The following NTM variants were observed in gnomAD, a reference collection of about 807,000 sequenced individuals.
NTM encodes the protein neurotrimin.
In NTM, 13 loss-of-function variants were observed where a neutral mutation model predicts 42.1. The observed-to-expected ratio is 0.31, with a 90% CI of 0.20 to 0.49. The LOEUF (loss-of-function observed/expected upper bound fraction) is 0.49. NTM is among the 20% of genes least tolerant of loss of function. NTM has a pLI of 0.99. For synonymous variants in NTM, 187 were observed against 179.2 expected (o/e 1.04, Z -0.35); for missense variants, 373 against 452.8 (o/e 0.82, Z 1.60).
intron 1 of NTM, among the ~76,000 whole-genome samples, chr11:131,667,965 A>G (rs1086213): frequency 0.86 from 131,536 of 152,206 alleles, 56,961 homozygotes; most frequent in East Asian, 0.96. Flanking sequence ...CATAGTTGCC[A>G]CACACTGTGC....
chr11:132,171,808 C>A (rs2076155485), intron 3 of NTM, among the ~76,000 whole-genome samples: 1 of 152,282 alleles, frequency 6.6e-6, no homozygotes, highest in Non-Finnish European at 1.5e-5. Flanking sequence ...GAAACAAATG[C>A]AGGAAAAACA....
intron 1 of NTM, among the ~76,000 whole-genome samples, chr11:131,761,084 G>A (rs2084090075): frequency 6.6e-6 from 1 of 152,132 alleles, no homozygotes; most frequent in Admixed American, 6.5e-5. Context: ...GGCAGGGGAA[G>A]CGGGGAGGAC....
chr11:132,319,587 G>T (rs891661172), intron 7 of NTM, among the ~76,000 whole-genome samples: 2 of 152,238 alleles, frequency 1.3e-5, no homozygotes, highest in Admixed American at 6.5e-5. Context: ...GCCTGCCATT[G>T]CCTAGTTAGT....
intron 3 of NTM, among the ~76,000 whole-genome samples, chr11:132,176,545 AC>A (rs2137951131): frequency 6.6e-6 from 1 of 151,728 alleles, no homozygotes; most frequent in Non-Finnish European, 1.5e-5. Context: ...CTGGTGTTTA[AC>A]AAAAAATAAA....
intron 2 of NTM, among the ~76,000 whole-genome samples, chr11:132,094,368 A>G (rs929687731): frequency 1.3e-5 from 2 of 152,154 alleles, no homozygotes; most frequent in African/African-American, 4.8e-5. Flanking sequence ...TGGGCTCAGA[A>G]ACTATGTGTT....
intron 1 of NTM, among the ~76,000 whole-genome samples, chr11:131,560,402 AC>A (rs1348552917): frequency 6.6e-6 from 1 of 152,172 alleles, no homozygotes; most frequent in Non-Finnish European, 1.5e-5. Flanking sequence ...ATATGTTCCA[AC>A]ATGCCATCAA....
intron 1 of NTM, among the ~76,000 whole-genome samples, chr11:131,801,305 T>C (rs554422398): frequency 2.0e-5 from 3 of 152,330 alleles, no homozygotes; most frequent in Non-Finnish European, 4.4e-5. Context: ...CAATTGTGTG[T>C]TGGGAGTTGC....
chr11:131,454,843 A>C (rs951971296), intron 1 of NTM, among the ~76,000 whole-genome samples: 5 of 152,166 alleles, frequency 3.3e-5, no homozygotes, highest in African/African-American at 9.7e-5. Context: ...ACCTGAATAT[A>C]TAAAGCCTGT....
At chr11:131,552,471 C>T (rs1267335987) in intron 1 of NTM, among the ~76,000 whole-genome samples, 1 of 147,486 alleles carries the variant, frequency 6.8e-6, no homozygotes, top group African/African-American at 2.5e-5. Flanking sequence ...GCCACTGCAC[C>T]TCCAGCCTGG....
intron 1 of NTM, among the ~76,000 whole-genome samples, chr11:131,526,423 C>G (rs566326998): frequency 1.3e-5 from 2 of 152,272 alleles, no homozygotes; most frequent in East Asian, 1.9e-4. Flanking sequence ...CTCCAATGTC[C>G]GCTTGGATTG....
At chr11:131,388,281 A>G (rs545590421) in intron 1 of NTM, among the ~76,000 whole-genome samples, 4 of 152,286 alleles carry the variant, frequency 2.6e-5, no homozygotes, top group Non-Finnish European at 4.4e-5. Context: ...TATCTATGTA[A>G]GTACATATAG....
chr11:131,972,357 T>C (rs1373894578), intron 2 of NTM, among the ~76,000 whole-genome samples: 1 of 152,202 alleles, frequency 6.6e-6, no homozygotes, highest in Admixed American at 6.5e-5. Flanking sequence ...CATGTATATA[T>C]ATAAATTATA....
intron 1 of NTM, among the ~76,000 whole-genome samples, chr11:131,742,435 T>G (rs1450481091): frequency 1.3e-5 from 2 of 152,198 alleles, no homozygotes; most frequent in African/African-American, 4.8e-5. Flanking sequence ...AAAATGACTT[T>G]TTTTTTCTTT....
In NTM at chr11:132,295,167, C is replaced by A. The variant is rs182355406; in HGVS notation, c.527-12522C>A. On this transcript the variant is annotated intron_variant, in intron 4 of 8. Coordinates refer to ENST00000683400, the MANE Select transcript of NTM (RefSeq NM_001352005.2). ...AAACACACACACACACAGACACACACGAGAAAGAAAAACCTTAAAAAATAT... is the reference window on the plus strand; with the variant it reads ...AAACACACACACACACAGACACACAAGAGAAAGAAAAACCTTAAAAAATAT... Among the ~76,000 whole-genome samples, 1,093 of 151,846 alleles carry A rather than the reference C, an allele frequency of 7.2e-3. 4 individuals carry two copies. The highest frequency in any genetic ancestry group is 0.017 in the Middle Eastern group (5 of 294).
chr11:131,744,625 T>A (rs555884781), intron 1 of NTM, among the ~76,000 whole-genome samples: 90 of 151,992 alleles, frequency 5.9e-4, no homozygotes, highest in South Asian at 2.1e-3. Flanking sequence ...ATGTTTTTTT[T>A]AAAAAAAAGA....
intron 2 of NTM, among the ~76,000 whole-genome samples, chr11:131,948,095 C>T (rs1022572859): frequency 1.3e-5 from 2 of 152,112 alleles, no homozygotes; most frequent in African/African-American, 2.4e-5. Flanking sequence ...GGTGCAGTGG[C>T]TCACGCCTGT....
At chr11:131,595,221 G>T (rs1434471876) in intron 1 of NTM, among the ~76,000 whole-genome samples, 1 of 152,132 alleles carries the variant, frequency 6.6e-6, no homozygotes, top group African/African-American at 2.4e-5. Context: ...AATCCTAGGC[G>T]TGGTCCACCA....
chr11:131,798,084 GA>G (rs1232639393), intron 1 of NTM, among the ~76,000 whole-genome samples: 2 of 152,022 alleles, frequency 1.3e-5, no homozygotes, highest in Non-Finnish European at 2.9e-5. Context: ...CAGCTGGGCA[GA>G]AAAAAAATTA....
rs2043414802 is a variant in NTM, at chr11:131,835,815, C to T, written c.83-75749C>T. 2.6e-5 allele frequency among the ~76,000 whole-genome samples: 4 copies of T among 152,112 alleles called. No homozygotes were observed. In the South Asian group the frequency reaches 6.2e-4, roughly 24 times the overall value. On this transcript the variant is annotated intron_variant, in intron 1 of 8. Transcript: ENST00000683400. ...TTTTAACTCCAAACTGGAAGCCACA[C>T]AAACATAAACAGTAAAATGGATATA...
Sources: gnomAD v4.1 joint callset for allele counts (sites outside exome capture counted in the v4.1 genomes callset) on GRCh38, gnomAD v4.1.1 for gene constraint, MANE v1.5 for transcripts, NCBI Gene and HGNC (gene_info 2026-07-23, HGNC 2026-07-21) for gene names.